ESYT2: variants seen among roughly 807,000 people sequenced by gnomAD.
ESYT2 encodes extended synaptotagmin-2.
In ESYT2, 54 loss-of-function variants were observed where a neutral mutation model predicts 107.2. That is an observed-to-expected ratio of 0.50 (90% CI 0.40 to 0.63). ESYT2 has a LOEUF of 0.63. ESYT2 is among the 30% of genes least tolerant of loss of function. The pLI is 0.00. For synonymous variants in ESYT2, 491 were observed against 434.1 expected, an observed-to-expected ratio of 1.13 and a Z score of -1.63; for missense variants, 1,020 against 1,094.5, an observed-to-expected ratio of 0.93 and a Z score of 0.96.
chr7:158,818,254 A>T (rs906323836), intron 1 of ESYT2, among the ~76,000 whole-genome samples: 32 of 152,222 alleles, frequency 2.1e-4, no homozygotes, highest in Non-Finnish European at 4.0e-4. Flanking sequence ...GGAGTCAAGA[A>T]AGATTAGCCA....
At chr7:158,805,955 C>T (rs908977797) in intron 1 of ESYT2, among the ~76,000 whole-genome samples, 5 of 152,234 alleles carry the variant, frequency 3.3e-5, no homozygotes, top group Non-Finnish European at 7.3e-5. Context: ...AAAATAAGGA[C>T]TCTTGCCACG....
Position 158,745,556 on chromosome 7 carries a change from G to A in ESYT2, c.1645-1878C>T, listed in dbSNP as rs907415977. On this transcript the variant is annotated intron_variant, in intron 16 of 22. Transcript: ENST00000275418. ...ACACCAGAAAGGCACACAGCCTACA[G>A]GTGCACGTGGAGTGTGTCCCAGGAC... 9.2e-5 allele frequency among the ~76,000 whole-genome samples: 14 copies of A among 152,318 alleles called. No individual in the cohort carries two copies. In the South Asian group the frequency reaches 1.0e-3, roughly 11 times the overall value.
intron 7 of ESYT2, among the ~76,000 whole-genome samples, 193 bp downstream of exon 7, chr7:158,773,148 G>A (rs370928795): frequency 3.4e-4 from 51 of 152,080 alleles, no homozygotes; most frequent in East Asian, 7.7e-4. Context: ...CTGGCCCATC[G>A]CCTCCCAGCA....
chr7:158,761,514 C>T lies in ESYT2; in HGVS notation c.1215G>A (p.Lys405=), dbSNP rs567370823. Residue 405 remains lysine (K), a synonymous_variant, in exon 11 of 23, where the codon AAG becomes AAA. Coordinates refer to ENST00000275418, the MANE Select transcript of ESYT2 (RefSeq NM_001367773.1). ...AACTTACTTCATCTAAAAGGCGCTC[C>T]TTTTCAACTTCAATGAGGTCAATCA... ...SLMIDLIEVE[K]ERLLDEWFTL... 2 of 1,614,060 alleles carry T rather than the reference C, an allele frequency of 1.2e-6. No individual in the cohort carries two copies. Among genetic ancestry groups the T allele is most frequent in the East Asian group, 2.2e-5 (1 of 44,882 alleles).
intron 1 of ESYT2, among the ~76,000 whole-genome samples, chr7:158,823,479 G>T (rs559196377): frequency 6.7e-6 from 1 of 149,040 alleles, no homozygotes; most frequent in Non-Finnish European, 1.5e-5. Flanking sequence ...GGCGCACACC[G>T]CCACGCCCGG....
intron 7 of ESYT2, among the ~76,000 whole-genome samples, chr7:158,768,915 G>A (rs570890587): frequency 1.4e-4 from 22 of 152,270 alleles, no homozygotes; most frequent in South Asian, 4.2e-4. Context: ...TAGGGTAAAC[G>A]TGAGAATTAA....
intron 7 of ESYT2, among the ~76,000 whole-genome samples, chr7:158,770,512 T>C (rs1838323948): frequency 6.6e-6 from 1 of 150,668 alleles, no homozygotes. Context: ...TACGATTATA[T>C]ATATATATAT....
intron 18 of ESYT2, 98 bp downstream of exon 18, chr7:158,741,425 C>T: frequency 1.4e-6 from 2 of 1,469,008 alleles, no homozygotes; most frequent in Non-Finnish European, 1.8e-6. Context: ...CCAAAGCATG[C>T]CGGCCTCATG....
At chr7:158,761,271 T>C (rs954772763) in intron 11 of ESYT2, among the ~76,000 whole-genome samples, 10 of 152,254 alleles carry the variant, frequency 6.6e-5, no homozygotes, top group South Asian at 2.1e-4. Flanking sequence ...TCCCAGCATA[T>C]GGTAGGGACT....
chr7:158,748,047 A>G (rs1837462657), intron 16 of ESYT2, 147 bp downstream of exon 16: 12 of 660,346 alleles, frequency 1.8e-5, no homozygotes, highest in Non-Finnish European at 3.1e-5. Flanking sequence ...GGGCTAGGGG[A>G]GGCCCGGGTT....
chr7:158,797,858 A>T, intron 3 of ESYT2, 84 bp downstream of exon 3: 1 of 1,483,908 alleles, frequency 6.7e-7, no homozygotes, highest in Non-Finnish European at 9.0e-7. Flanking sequence ...CGTCTCAAGA[A>T]AAAAAAAAAA....
At chr7:158,792,321 C>A (rs1487989771) in intron 4 of ESYT2, among the ~76,000 whole-genome samples, 1 of 150,450 alleles carries the variant, frequency 6.6e-6, no homozygotes. Flanking sequence ...CCCAGGAGTT[C>A]GAGACTAGCC....
intron 13 of ESYT2, among the ~76,000 whole-genome samples, chr7:158,756,914 TAAAAAAAAA>T (rs201326042): frequency 4.0e-5 from 4 of 98,804 alleles, no homozygotes; most frequent in African/African-American, 1.6e-4. Context: ...CATCTCAAAT[TAAAAAAAAA>T]AAAAAAAAAA....
chr7:158,782,025 G>GT (rs1214151376), intron 6 of ESYT2, among the ~76,000 whole-genome samples: 1 of 151,872 alleles, frequency 6.6e-6, no homozygotes, highest in Non-Finnish European at 1.5e-5. Context: ...AAAGTGAGGT[G>GT]TAAGTGCAAG....
intron 6 of ESYT2, among the ~76,000 whole-genome samples, chr7:158,781,553 G>A (rs1196112848): frequency 2.6e-5 from 4 of 151,556 alleles, no homozygotes; most frequent in African/African-American, 7.3e-5. Context: ...GAGAACAAGT[G>A]AGTGAACGAC....
rs1346064173 is a variant in ESYT2, at chr7:158,781,962, AGT to A, written c.747+6040_747+6041del. Among the ~76,000 whole-genome samples, 10 of 96,568 alleles carry A rather than the reference AGT, an allele frequency of 1.0e-4. 1 individual carries two copies. The highest frequency in any genetic ancestry group is 1.5e-4 in the Non-Finnish European group (7 of 46,718). The allele number at this position is 96,568 out of a possible 152,430, so 63.4% of individuals were successfully genotyped here. A position where few individuals can be genotyped will look rare whatever the true frequency, so the allele number is the denominator to read the frequency against. ...GTAAGAACGAGAACAAGTGTGAACG[AGT>A]GTGAGAACAAAGTGTGAGATGTGTG... On this transcript the variant is annotated intron_variant, in intron 6 of 22. Coordinates refer to ENST00000275418, the MANE Select transcript of ESYT2 (RefSeq NM_001367773.1).
intron 9 of ESYT2, among the ~76,000 whole-genome samples, chr7:158,764,175 T>C (rs564059860): frequency 2.0e-4 from 31 of 152,342 alleles, no homozygotes; most frequent in African/African-American, 7.5e-4. Flanking sequence ...ATTCTACTTG[T>C]ACAGCATTGT....
chr7:158,757,985 T>G (rs1429442219), intron 13 of ESYT2, among the ~76,000 whole-genome samples: 1 of 152,172 alleles, frequency 6.6e-6, no homozygotes, highest in African/African-American at 2.4e-5. Flanking sequence ...GTATAGAAAT[T>G]CTGTGGAAAG....
chr7:158,737,043 C>A lies in ESYT2; in HGVS notation c.2399+5G>T. On this transcript the variant is annotated splice_donor_5th_base_variant and intron_variant, in intron 20 of 22. Transcript: ENST00000275418. ...GTCTATCCTCAGCTGGATAAAATAC[C>A]GTACCTTTGATCAAACACTGGATTT... 1.9e-6 allele frequency: 3 copies of A among 1,612,594 alleles called. No individual in the cohort carries two copies. The highest frequency in any genetic ancestry group is 1.1e-5 in the South Asian group (1 of 91,004).
Sources: allele counts gnomAD v4.1 joint callset (sites outside exome capture counted in the v4.1 genomes callset), GRCh38; gene constraint gnomAD v4.1.1; transcripts MANE v1.5; gene names NCBI Gene and HGNC (gene_info 2026-07-23, HGNC 2026-07-21).